The following FAM117B variants were observed in gnomAD, a reference collection of about 807,000 sequenced individuals.
The protein encoded by FAM117B is protein FAM117B.
Under a neutral mutation model 52.8 loss-of-function variants are expected in FAM117B, and 22 were observed. The ratio of observed to expected loss-of-function variants is 0.42; its 90% confidence interval spans 0.30 to 0.59. The LOEUF (loss-of-function observed/expected upper bound fraction) is 0.59. Ranked by LOEUF, FAM117B falls within the 20% of genes least tolerant of loss-of-function variation. The pLI is 0.22. For missense variants in FAM117B, 678 were observed against 802.6 expected (o/e 0.84, Z 1.88); for synonymous variants, 309 against 324.1 (o/e 0.95, Z 0.50).
intron 4 of FAM117B, among the ~76,000 whole-genome samples, chr2:202,753,679 C>A (rs767574205): frequency 5.9e-5 from 9 of 151,752 alleles, no homozygotes; most frequent in Non-Finnish European, 8.8e-5. Context: ...AAAAAAGCAA[C>A]CCCATCAAAA....
chr2:202,685,600 A>G (rs1454530195), intron 1 of FAM117B, among the ~76,000 whole-genome samples: 2 of 152,260 alleles, frequency 1.3e-5, no homozygotes, highest in Admixed American at 1.3e-4. Context: ...GTTTGGACAG[A>G]GGTACAGATA....
At chr2:202,703,402 G>C (rs1169118491) in intron 2 of FAM117B, among the ~76,000 whole-genome samples, 1 of 152,154 alleles carries the variant, frequency 6.6e-6, no homozygotes, top group East Asian at 1.9e-4. Flanking sequence ...GCCTAGGCTG[G>C]AGTATAGTGG....
chr2:202,668,779 A>T (rs962721692), intron 1 of FAM117B, among the ~76,000 whole-genome samples: 1 of 152,116 alleles, frequency 6.6e-6, no homozygotes, highest in African/African-American at 2.4e-5. Flanking sequence ...CATTAAATAT[A>T]TGCCTCTAAG....
intron 1 of FAM117B, among the ~76,000 whole-genome samples, chr2:202,682,302 C>A (rs748986514): frequency 3.3e-5 from 5 of 152,176 alleles, no homozygotes; most frequent in African/African-American, 4.8e-5. Flanking sequence ...AAGCCGTCTG[C>A]GGATGGCAAA....
intron 1 of FAM117B, among the ~76,000 whole-genome samples, chr2:202,642,417 A>ACC (rs1689785860): frequency 6.6e-6 from 1 of 150,910 alleles, no homozygotes; most frequent in Non-Finnish European, 1.5e-5. Flanking sequence ...GGCATTGATC[A>ACC]CCTGAATTTT....
intron 7 of FAM117B, among the ~76,000 whole-genome samples, chr2:202,760,443 G>T (rs985127133): frequency 6.6e-6 from 1 of 152,132 alleles, no homozygotes; most frequent in Non-Finnish European, 1.5e-5. Context: ...AGTTTCCAGG[G>T]CTGGGGATGG....
At chr2:202,733,855 A>G (rs1020295510) in intron 4 of FAM117B, among the ~76,000 whole-genome samples, 17 of 152,254 alleles carry the variant, frequency 1.1e-4, no homozygotes, top group Admixed American at 9.2e-4. Context: ...TTACAAAGAT[A>G]ACAGGATTAA....
chr2:202,698,680 C>T (rs1690751970), intron 2 of FAM117B, among the ~76,000 whole-genome samples: 1 of 152,172 alleles, frequency 6.6e-6, no homozygotes, highest in African/African-American at 2.4e-5. Flanking sequence ...GCCTTGGCCT[C>T]CCAAAGCGCT....
chr2:202,716,966 T>C (rs1691067881), intron 2 of FAM117B, among the ~76,000 whole-genome samples: 1 of 152,266 alleles, frequency 6.6e-6, no homozygotes, highest in Admixed American at 6.5e-5. Flanking sequence ...ACAGTTATTT[T>C]GAATTTTCTA....
At chr2:202,685,212 C>T (rs561247848) in intron 1 of FAM117B, among the ~76,000 whole-genome samples, 8 of 151,928 alleles carry the variant, frequency 5.3e-5, no homozygotes, top group East Asian at 1.9e-4. Flanking sequence ...TTTGAACTCC[C>T]GACTTCAAGT....
intron 1 of FAM117B, among the ~76,000 whole-genome samples, chr2:202,673,666 T>G (rs1458786454): frequency 1.3e-5 from 2 of 151,980 alleles, no homozygotes; most frequent in Non-Finnish European, 2.9e-5. Flanking sequence ...CAGGCTGGTC[T>G]GGAACTCTTG....
intron 1 of FAM117B, among the ~76,000 whole-genome samples, chr2:202,686,741 A>C (rs1166554338): frequency 6.6e-6 from 1 of 151,540 alleles, no homozygotes; most frequent in Admixed American, 6.6e-5. Context: ...TGGGAGGGGG[A>C]GGTTGCAGTG....
chr2:202,713,864 GC>G (rs1485417463), intron 2 of FAM117B, among the ~76,000 whole-genome samples: 1 of 152,088 alleles, frequency 6.6e-6, no homozygotes, highest in African/African-American at 2.4e-5. Flanking sequence ...ATGCCACCAT[GC>G]CCAACTAATT....
At chr2:202,740,173 C>CAAAAA (rs1358404767) in intron 4 of FAM117B, among the ~76,000 whole-genome samples, 9,489 of 69,192 alleles carry the variant, frequency 0.14, 3,081 homozygotes, top group Non-Finnish European at 0.16. Context: ...ACTTCATCCC[C>CAAAAA]CAAAAAAAAA....
chr2:202,752,420 T>C (rs1321383098), intron 4 of FAM117B, among the ~76,000 whole-genome samples: 5 of 151,072 alleles, frequency 3.3e-5, no homozygotes, highest in Admixed American at 2.0e-4. Flanking sequence ...CTTTTTCTTT[T>C]TTTTTTTTTT....
chr2:202,666,608 T>C (rs1690207510), intron 1 of FAM117B, among the ~76,000 whole-genome samples: 1 of 152,002 alleles, frequency 6.6e-6, no homozygotes, highest in Non-Finnish European at 1.5e-5. Flanking sequence ...CAACTTTCAC[T>C]TTCTACTGTA....
intron 4 of FAM117B, among the ~76,000 whole-genome samples, chr2:202,747,013 G>A (rs1251428507): frequency 6.8e-6 from 1 of 146,234 alleles, no homozygotes; most frequent in Non-Finnish European, 1.5e-5. Context: ...ATTGAACATA[G>A]ATGCAAAAAT....
intron 1 of FAM117B, among the ~76,000 whole-genome samples, chr2:202,647,893 G>A (rs1689894113): frequency 6.6e-6 from 1 of 152,164 alleles, no homozygotes; most frequent in Non-Finnish European, 1.5e-5. Flanking sequence ...ATTAGTGCTA[G>A]TTTAACCCAA....
chr2:202,696,156 C>G, intron 2 of FAM117B, 124 bp downstream of exon 2: 1 of 1,071,428 alleles, frequency 9.3e-7, no homozygotes, highest in Non-Finnish European at 1.3e-6. Context: ...GAGAAACTTA[C>G]CAAAAAGAGC....
Sources: gnomAD v4.1 joint callset for allele counts (sites outside exome capture counted in the v4.1 genomes callset) on GRCh38, gnomAD v4.1.1 for gene constraint, MANE v1.5 for transcripts, NCBI Gene and HGNC (gene_info 2026-07-23, HGNC 2026-07-21) for gene names.